Variants in SLF2 observed in about 807,000 individuals in gnomAD.
SLF2 encodes the protein SMC5/6 complex localization factor 2.
Under a neutral mutation model 124.3 loss-of-function variants are expected in SLF2, and 68 were observed. The observed-to-expected ratio is 0.55, with a 90% CI of 0.45 to 0.67. The LOEUF (loss-of-function observed/expected upper bound fraction) is 0.67. Ranked by LOEUF, SLF2 falls within the 30% of genes least tolerant of loss-of-function variation. SLF2 has a pLI of 0.00. For synonymous variants in SLF2, 480 were observed against 478.8 expected (o/e 1.00, Z -0.03); for missense variants, 1,246 against 1,373.7 (o/e 0.91, Z 1.47).
intron 4 of SLF2, among the ~76,000 whole-genome samples, chr10:100,918,821 G>A (rs931743883): frequency 2.0e-5 from 3 of 151,620 alleles, no homozygotes; most frequent in Admixed American, 6.6e-5. Context: ...ACGAGGTTTC[G>A]CCACGTTGCC....
chr10:100,914,828 G>A (rs773721281), intron 1 of SLF2, among the ~76,000 whole-genome samples: 2 of 152,186 alleles, frequency 1.3e-5, no homozygotes, highest in Non-Finnish European at 2.9e-5. Flanking sequence ...AATGTGACCA[G>A]TAAAGTGTAC....
intron 17 of SLF2, among the ~76,000 whole-genome samples, chr10:100,956,098 A>T (rs534810916): frequency 1.0e-4 from 15 of 150,302 alleles, no homozygotes; most frequent in South Asian, 8.4e-4. Flanking sequence ...TTTTTTTTTT[A>T]AAAGGCTAGC....
At chr10:100,947,516 C>T (rs868481865) in intron 14 of SLF2, among the ~76,000 whole-genome samples, 28 of 151,974 alleles carry the variant, frequency 1.8e-4, no homozygotes, top group Non-Finnish European at 5.9e-5. Context: ...GTCAGTAAAT[C>T]ATCAGGGTCA....
In SLF2 at chr10:100,913,079, C is replaced by T. The variant is rs1247935109; in HGVS notation, c.-32C>T. On this transcript the variant is annotated 5_prime_UTR_variant, in exon 1 of 20. In the 5' UTR this introduces an upstream ATG that the reference lacks. Coordinates refer to ENST00000238961, the MANE Select transcript of SLF2 (RefSeq NM_018121.4). ...ACCACGCACCCAACTTCTCCAGCCACGGCTCATGCCGCCGTCGCCAGCGGC... is the reference window on the plus strand; with the variant it reads ...ACCACGCACCCAACTTCTCCAGCCATGGCTCATGCCGCCGTCGCCAGCGGC... 1.9e-6 allele frequency: 3 copies of T among 1,604,934 alleles called. No individual in the cohort carries two copies. Among genetic ancestry groups the T allele is most frequent in the Middle Eastern group, 1.7e-4 (1 of 6,028 alleles).
chr10:100,944,957 G>A (rs539665602), intron 12 of SLF2, among the ~76,000 whole-genome samples: 112 of 151,196 alleles, frequency 7.4e-4, no homozygotes, highest in African/African-American at 2.7e-3. Context: ...TTGAACCCGG[G>A]AGGTGGAGGT....
Position 100,924,058 on chromosome 10 carries a change from A to C in SLF2, c.1057A>C (p.Ile353Leu). The change falls in exon 5 of 20, where the codon ATA (isoleucine) becomes CTA (leucine). Residue 353 changes from isoleucine (I) to leucine (L), a missense_variant. Ile to Leu is a conservative substitution (Grantham distance 5). Transcript: ENST00000238961. ...SDLKSTRESM[I>L]PKARESFLEK... ...TCTGAAAAGCACAAGAGAATCTATGATACCAAAAGCAAGAGAGTCCTTCCT... is the reference window on the plus strand; with the variant it reads ...TCTGAAAAGCACAAGAGAATCTATGCTACCAAAAGCAAGAGAGTCCTTCCT... The C allele has an allele frequency of 6.2e-7, 1 of 1,609,126 alleles. No homozygotes were observed. Among genetic ancestry groups the C allele is most frequent in the South Asian group, 1.1e-5 (1 of 90,454 alleles).
At chr10:100,948,385 A>G (rs184634058) in intron 15 of SLF2, among the ~76,000 whole-genome samples, 1 of 152,196 alleles carries the variant, frequency 6.6e-6, no homozygotes, top group Non-Finnish European at 1.5e-5. Context: ...CGTCCCAGCT[A>G]CTTGGGAGGC....
intron 9 of SLF2, among the ~76,000 whole-genome samples, chr10:100,935,171 G>C (rs1849820135): frequency 6.6e-6 from 1 of 152,082 alleles, no homozygotes; most frequent in Non-Finnish European, 1.5e-5. Flanking sequence ...CAAGGCAGGT[G>C]GATCACGAGG....
chr10:100,952,031 G>T (rs1165658824), intron 17 of SLF2, among the ~76,000 whole-genome samples: 1 of 152,024 alleles, frequency 6.6e-6, no homozygotes, highest in Non-Finnish European at 1.5e-5. Flanking sequence ...ATCACTTGAG[G>T]TCAGAAGTTC....
At chr10:100,917,643 C>T (rs1014005910) in intron 3 of SLF2, among the ~76,000 whole-genome samples, 1 of 152,142 alleles carries the variant, frequency 6.6e-6, no homozygotes, top group Non-Finnish European at 1.5e-5. Context: ...ATGGCGTGAT[C>T]ATGTCTCATT....
intron 9 of SLF2, 143 bp from the exon 10 acceptor site, chr10:100,937,259 C>T (rs1190280673): frequency 1.4e-6 from 1 of 704,258 alleles, no homozygotes; most frequent in African/African-American, 1.8e-5. Flanking sequence ...TATCCGCCCG[C>T]CTTAGCCTCA....
intron 4 of SLF2, among the ~76,000 whole-genome samples, chr10:100,918,675 G>A (rs1163927328): frequency 1.3e-5 from 2 of 152,190 alleles, no homozygotes; most frequent in African/African-American, 4.8e-5. Flanking sequence ...AGGCTGGGAT[G>A]CAGTGGCATG....
At chr10:100,940,717 T>C (rs1849954582) in intron 11 of SLF2, among the ~76,000 whole-genome samples, 1 of 130,076 alleles carries the variant, frequency 7.7e-6, no homozygotes, top group African/African-American at 3.0e-5. Context: ...TTCTCTTCCT[T>C]CCCCTCCTTC....
At chr10:100,929,203 T>A in intron 6 of SLF2, 114 bp from the exon 7 acceptor site, 4 of 950,298 alleles carry the variant, frequency 4.2e-6, no homozygotes, top group Non-Finnish European at 6.0e-6. Flanking sequence ...CAAAATTTGT[T>A]ATATACCAGG....
chr10:100,956,318 G>A, intron 17 of SLF2, 133 bp from the exon 18 acceptor site: 1 of 628,594 alleles, frequency 1.6e-6, no homozygotes, highest in Non-Finnish European at 2.7e-6. Flanking sequence ...CTGTTACGTT[G>A]AATAGTTAAT....
chr10:100,925,053 AC>A, intron 5 of SLF2, 81 bp downstream of exon 5: 2 of 1,379,348 alleles, frequency 1.4e-6, no homozygotes, highest in East Asian at 2.3e-5. Flanking sequence ...ATCGGAACTT[AC>A]TTTAAAATTT....
intron 1 of SLF2, chr10:100,913,717 A>G (rs1849366195): frequency 2.0e-6 from 2 of 991,992 alleles, no homozygotes; most frequent in African/African-American, 3.5e-5. Flanking sequence ...ACGCTAGTTC[A>G]TACTTAAAAG....
intron 17 of SLF2, among the ~76,000 whole-genome samples, chr10:100,955,508 T>TCC: frequency 6.6e-6 from 1 of 152,028 alleles, no homozygotes; most frequent in East Asian, 1.9e-4. Flanking sequence ...TGCTTGTATC[T>TCC]CAACACATTG....
chr10:100,949,507 AAAG>A (rs1429447661), intron 15 of SLF2, among the ~76,000 whole-genome samples: 1 of 152,144 alleles, frequency 6.6e-6, no homozygotes, highest in African/African-American at 2.4e-5. Context: ...TTTAACAGAG[AAAG>A]CATTCCCTGT....
Sources: gnomAD v4.1 joint callset for allele counts (sites outside exome capture counted in the v4.1 genomes callset) on GRCh38, gnomAD v4.1.1 for gene constraint, MANE v1.5 for transcripts, NCBI Gene and HGNC (gene_info 2026-07-23, HGNC 2026-07-21) for gene names.